STPG2: variants seen among roughly 807,000 people sequenced by gnomAD.
STPG2 encodes the protein sperm-tail PG-rich repeat-containing protein 2.
In STPG2, 56 loss-of-function variants were observed where a neutral mutation model predicts 54.2. The observed-to-expected ratio is 1.03, with a 90% CI of 0.83 to 1.29. The LOEUF is 1.29. STPG2 is among the 50% of genes most tolerant of loss of function. The pLI is 0.00. For missense variants in STPG2, 596 were observed against 544.9 expected (o/e 1.09, Z -0.93); for synonymous variants, 200 against 181.8 (o/e 1.10, Z -0.81).
chr4:97,623,650 G>C (rs995132246), intron 10 of STPG2, among the ~76,000 whole-genome samples: 1 of 152,150 alleles, frequency 6.6e-6, no homozygotes, highest in East Asian at 1.9e-4. Flanking sequence ...TTTATTTTAA[G>C]TTGCAGGATA....
intron 10 of STPG2, among the ~76,000 whole-genome samples, chr4:97,668,408 A>G (rs1439625898): frequency 1.3e-5 from 2 of 152,196 alleles, no homozygotes; most frequent in African/African-American, 4.8e-5. Flanking sequence ...ATGTCATTTC[A>G]ATGAACATTG....
chr4:98,080,225 T>C (rs1738301006), intron 5 of STPG2, among the ~76,000 whole-genome samples: 1 of 152,196 alleles, frequency 6.6e-6, no homozygotes, highest in Non-Finnish European at 1.5e-5. Flanking sequence ...AAAGTTCTTA[T>C]AGTTTATAAA....
intron 9 of STPG2, among the ~76,000 whole-genome samples, chr4:97,803,733 G>T (rs1040712797): frequency 1.3e-5 from 2 of 152,116 alleles, no homozygotes; most frequent in Non-Finnish European, 2.9e-5. Flanking sequence ...TAGAGACAGG[G>T]TTTCACCATG....
chr4:97,923,667 A>T (rs1420089353), intron 8 of STPG2, among the ~76,000 whole-genome samples: 1 of 151,288 alleles, frequency 6.6e-6, no homozygotes, highest in Non-Finnish European at 1.5e-5. Context: ...GTACTTGGAG[A>T]ATCTTTTTGT....
chr4:97,852,789 A>T (rs991566960), intron 8 of STPG2, among the ~76,000 whole-genome samples: 1 of 152,046 alleles, frequency 6.6e-6, no homozygotes, highest in African/African-American at 2.4e-5. Flanking sequence ...AGAAAGGAAC[A>T]TTGTCTAGAC....
chr4:97,670,513 G>C (rs1297645935), intron 10 of STPG2, among the ~76,000 whole-genome samples: 1 of 152,098 alleles, frequency 6.6e-6, no homozygotes, highest in African/African-American at 2.4e-5. Context: ...TCTCAATAGT[G>C]CAACTGGAGA....
chr4:98,120,931 TTC>T (rs1380050731), intron 3 of STPG2, among the ~76,000 whole-genome samples: 1 of 152,228 alleles, frequency 6.6e-6, no homozygotes, highest in African/African-American at 2.4e-5. Context: ...CAATTTTTGC[TTC>T]TGTGTCAATT....
intron 4 of STPG2, among the ~76,000 whole-genome samples, chr4:97,504,032 TTTTAA>T (rs1406944180): frequency 1.4e-5 from 2 of 145,546 alleles, no homozygotes; most frequent in East Asian, 3.9e-4. Context: ...TATTTTTTAT[TTTTAA>T]TTTATTTTTA....
At chr4:98,089,055 A>AT (rs907258625) in intron 5 of STPG2, among the ~76,000 whole-genome samples, 38 of 150,872 alleles carry the variant, frequency 2.5e-4, no homozygotes, top group African/African-American at 5.4e-4. Context: ...TAATCCTGCC[A>AT]TTTTTTTTTA....
intron 5 of STPG2, among the ~76,000 whole-genome samples, chr4:98,064,331 T>C (rs955786046): frequency 1.3e-5 from 2 of 152,176 alleles, no homozygotes; most frequent in South Asian, 2.1e-4. Flanking sequence ...TACAGACTAA[T>C]ATCACAGGCG....
chr4:97,916,996 A>G (rs1731904635), intron 8 of STPG2: 2 of 152,738 alleles, frequency 1.3e-5, no homozygotes, highest in Non-Finnish European at 2.9e-5. Flanking sequence ...TGTAGGGAGA[A>G]CTTTTCTGGA....
At chr4:97,954,024 A>G (rs537363678) in intron 7 of STPG2, among the ~76,000 whole-genome samples, 2 of 152,346 alleles carry the variant, frequency 1.3e-5, no homozygotes, top group South Asian at 4.1e-4. Flanking sequence ...ACTAGAAATT[A>G]TTACGTTAAA....
chr4:97,924,241 G>A (rs571187732), intron 8 of STPG2, among the ~76,000 whole-genome samples: 15 of 152,168 alleles, frequency 9.9e-5, no homozygotes, highest in Non-Finnish European at 1.6e-4. Flanking sequence ...CACTCACCGC[G>A]AGGGTCCGCG....
At chr4:97,641,027 CAATA>C (rs1202577433) in intron 10 of STPG2, among the ~76,000 whole-genome samples, 1 of 151,478 alleles carries the variant, frequency 6.6e-6, no homozygotes, top group African/African-American at 2.4e-5. Flanking sequence ...AACCTACTTT[CAATA>C]AATAAAGTAA....
Position 97,955,505 on chromosome 4 carries a change from G to A in STPG2, c.934-11498C>T, listed in dbSNP as rs559293864. Among the ~76,000 whole-genome samples, 13 of 152,196 alleles carry A rather than the reference G, an allele frequency of 8.5e-5. 1 individual carries two copies. The highest frequency in any genetic ancestry group is 4.6e-4 in the Admixed American group (7 of 15,286). The stretch of plus-strand genomic sequence containing the variant: ...GCTGGGATTACAGGTGTGAGCCACC[G>A]CACCCGGCCTAATACAGAAGAATTC... On this transcript the variant is annotated intron_variant, in intron 7 of 10. Transcript: ENST00000295268.
At chr4:98,010,757 A>G (rs1350943277) in intron 5 of STPG2, among the ~76,000 whole-genome samples, 1 of 151,918 alleles carries the variant, frequency 6.6e-6, no homozygotes, top group Admixed American at 6.6e-5. Context: ...GATTTTTTGC[A>G]GTGCTATGCT....
intron 4 of STPG2, among the ~76,000 whole-genome samples, chr4:97,506,067 A>T (rs1730838013): frequency 6.8e-6 from 1 of 147,272 alleles, no homozygotes; most frequent in South Asian, 2.2e-4. Context: ...ACTGTGTTAG[A>T]TCTGTGGAAA....
At chr4:97,753,507 T>C (rs901567312) in intron 9 of STPG2, among the ~76,000 whole-genome samples, 1 of 152,074 alleles carries the variant, frequency 6.6e-6, no homozygotes, top group Non-Finnish European at 1.5e-5. Context: ...ATTGTTTTCA[T>C]CTTTTGGCTA....
intron 1 of STPG2, among the ~76,000 whole-genome samples, chr4:98,138,174 G>A (rs1740184386): frequency 6.6e-6 from 1 of 152,008 alleles, no homozygotes; most frequent in African/African-American, 2.4e-5. Flanking sequence ...CTCAAGTAGT[G>A]GGTAAGCCTG....
Sources: gnomAD v4.1 joint callset for allele counts (sites outside exome capture counted in the v4.1 genomes callset) on GRCh38, gnomAD v4.1.1 for gene constraint, MANE v1.5 for transcripts, NCBI Gene and HGNC (gene_info 2026-07-23, HGNC 2026-07-21) for gene names.